The following OXTR variants were observed in gnomAD, a reference collection of about 807,000 sequenced individuals.
The protein encoded by OXTR is oxytocin receptor.
Under a neutral mutation model 23.9 loss-of-function variants are expected in OXTR, and 19 were observed. The ratio of observed to expected loss-of-function variants is 0.80; its 90% CI spans 0.56 to 1.17. OXTR has a LOEUF of 1.17. OXTR is among the 50% of genes most tolerant of loss of function. The pLI is 0.00. For missense variants in OXTR, 500 were observed against 550.7 expected (o/e 0.91, Z 0.92); for synonymous variants, 278 against 250.5 (o/e 1.11, Z -1.04).
the OXTR span, among the ~76,000 whole-genome samples, chr3:8,741,524 G>A: frequency 1.3e-5 from 2 of 152,062 alleles, no homozygotes; most frequent in Non-Finnish European, 2.9e-5. Context: ...TGGCCCAATC[G>A]TCTCTGTGTA....
rs1380090835 is a variant in OXTR, at chr3:8,767,897, C to A, written c.291G>T (p.Leu97Phe). Reference sequence around the variant, plus strand: ...AGAAGCGGAAGGTGATGTCCCACAGCAACTGCGGCAGCACCTGAAACACTG... The same window carrying A: ...AGAAGCGGAAGGTGATGTCCCACAGAAACTGCGGCAGCACCTGAAACACTG... The part of the protein sequence containing the change: ...VVAVFQVLPQ[L>F]LWDITFRFYG... The change falls in exon 3 of 4, where the codon TTG becomes TTT. Residue 97 changes from leucine (L) to phenylalanine (F), a missense_variant. Coordinates refer to ENST00000316793, the MANE Select transcript of OXTR (RefSeq NM_000916.4). The A allele has an allele frequency of 6.2e-7, 1 of 1,613,670 alleles. No individual in the cohort carries two copies. The highest frequency in any genetic ancestry group is 1.7e-5 in the Admixed American group (1 of 60,006).
Position 8,767,464 on chromosome 3 carries a change from C to G in OXTR, c.724G>C (p.Glu242Gln), listed in dbSNP as rs757022912. 41 of 1,599,382 alleles carry G rather than the reference C, an allele frequency of 2.6e-5. No individual in the cohort carries two copies. Among genetic ancestry groups the G allele is most frequent in the Middle Eastern group, 3.3e-4 (2 of 6,060 alleles). Reference sequence around the variant, plus strand: ...CCAGCCGCCGCGCCCTCTGGCGCCTCGGCCGCCGCCGCTGCAGCGGTCTTG... The same window carrying G: ...CCAGCCGCCGCGCCCTCTGGCGCCTGGGCCGCCGCCGCTGCAGCGGTCTTG... ...RLKTAAAAAA[E>Q]APEGAAAGDG... Residue 242 changes from glutamate to glutamine, a missense_variant, in exon 3 of 4, where the codon GAG becomes CAG. Transcript: ENST00000316793.
chr3:8,763,256 A>T (rs909050396), intron 3 of OXTR, among the ~76,000 whole-genome samples: 15 of 152,272 alleles, frequency 9.9e-5, no homozygotes, highest in African/African-American at 3.6e-4. Context: ...TCCATCAGGA[A>T]GGGGCCATAG....
chr3:8,758,694 T>C (rs1354458212), intron 3 of OXTR, among the ~76,000 whole-genome samples: 1 of 152,120 alleles, frequency 6.6e-6, no homozygotes, highest in South Asian at 2.1e-4. Flanking sequence ...TAGTGCAAGG[T>C]CTGGGTGAAG....
At chr3:8,763,493 C>A (rs1169122981) in intron 3 of OXTR, among the ~76,000 whole-genome samples, 1 of 152,174 alleles carries the variant, frequency 6.6e-6, no homozygotes, top group Non-Finnish European at 1.5e-5. Context: ...CAAACAGCCC[C>A]ACTCTACCAA....
chr3:8,753,684 T>C (rs1428313184), intron 3 of OXTR, among the ~76,000 whole-genome samples: 2 of 152,176 alleles, frequency 1.3e-5, no homozygotes, highest in Non-Finnish European at 2.9e-5. Flanking sequence ...GAAGCTTCGG[T>C]TTCCTAATCT....
intron 3 of OXTR, among the ~76,000 whole-genome samples, chr3:8,761,414 G>A (rs1708483114): frequency 6.6e-6 from 1 of 152,164 alleles, no homozygotes; most frequent in Non-Finnish European, 1.5e-5. Flanking sequence ...AGCTTCCATG[G>A]ATCTGAGGCA....
rs1575482053 is a variant in OXTR at position 8,752,413 on chromosome 3, T to C, written c.*564A>G. ...TAAACATTTTTAACCCAAGTTCTAA[T>C]AGGTCCACTGCGCCAGATGGTCTTA... On this transcript the variant is annotated 3_prime_UTR_variant, in exon 4 of 4. Transcript: ENST00000316793. 2 of 152,794 alleles carry C rather than the reference T, an allele frequency of 1.3e-5. No homozygotes were observed. The highest frequency in any genetic ancestry group is 4.8e-5 in the African/African-American group (2 of 41,458). 9.5% of individuals were successfully genotyped at this position (152,794 alleles called of 1,614,324 possible).
chr3:8,760,258 C>T (rs911354368), intron 3 of OXTR, among the ~76,000 whole-genome samples: 1 of 152,258 alleles, frequency 6.6e-6, no homozygotes, highest in East Asian at 1.9e-4. Flanking sequence ...AGCACTGCCG[C>T]TCCATCTGAC....
At chr3:8,745,736 A>G (rs1367123636), downstream of OXTR, 6 of 1,614,120 alleles carry the variant, frequency 3.7e-6, no homozygotes, top group South Asian at 6.6e-5. The surrounding 1 kb of genome is among the most constrained non-coding windows in gnomAD (Gnocchi z 4.8). Context: ...ATGCATTAAG[A>G]GCTACCTGAT....
In OXTR at chr3:8,767,739, C is replaced by T. The variant is rs1479726969; in HGVS notation, c.449G>A (p.Arg150His). Residue 150 changes from arginine to histidine, a missense_variant, in exon 3 of 4, where the codon CGC (arginine) becomes CAC (histidine). By Grantham distance (29) the Arg-to-His change is conservative (BLOSUM62 0). Transcript: ENST00000316793. Reference sequence around the variant, plus strand: ...GAGCACTGCCAGGCGGTCGGTGCGGCGGCGCAGCGAGCGCAGCGGCTGGCA... The same window carrying T: ...GAGCACTGCCAGGCGGTCGGTGCGGTGGCGCAGCGAGCGCAGCGGCTGGCA... ...AICQPLRSLR[R>H]RTDRLAVLAT... 6.2e-7 allele frequency: 1 copy of T among 1,609,422 alleles called. No individual in the cohort carries two copies. Among genetic ancestry groups the T allele is most frequent in the South Asian group, 1.1e-5 (1 of 90,710 alleles).
At chr3:8,763,830 A>G (rs1173491085) in intron 3 of OXTR, among the ~76,000 whole-genome samples, 2 of 152,224 alleles carry the variant, frequency 1.3e-5, no homozygotes, top group African/African-American at 4.8e-5. Context: ...TCTTATAACA[A>G]CTAACCAGGT....
intron 3 of OXTR, among the ~76,000 whole-genome samples, chr3:8,765,068 A>C (rs554497440): frequency 6.6e-6 from 1 of 152,328 alleles, no homozygotes; most frequent in South Asian, 2.1e-4. Context: ...AGAGGACCAC[A>C]AACACTCAAG....
chr3:8,760,894 G>A (rs959330893), intron 3 of OXTR, among the ~76,000 whole-genome samples: 5 of 126,450 alleles, frequency 4.0e-5, no homozygotes, highest in Non-Finnish European at 6.8e-5. Context: ...CTCACTGCCA[G>A]GTATTAGTTT....
In OXTR at chr3:8,753,179, CA is replaced by C. The variant is rs775044398; in HGVS notation, c.967del (p.Cys323AlafsTer30). The C allele has an allele frequency of 1.4e-5, 22 of 1,613,968 alleles. No homozygotes were observed. The highest frequency in any genetic ancestry group is 1.9e-5 in the Non-Finnish European group (22 of 1,180,030). On this transcript the variant is annotated frameshift_variant, in exon 4 of 4. Coordinates refer to ENST00000316793, the MANE Select transcript of OXTR (RefSeq NM_000916.4). LOFTEE classifies it high-confidence loss of function. ...CAGCATGTAGATCCAGGGGTTGCAG[CA>C]GCTGTTGAGGCTGGCCAGGAGCATG... ...IVMLLASLNS[C>X]CNPWIYMLFT... is the part of the protein sequence containing the mutation.
chr3:8,749,888 T>A (rs373859325), downstream of OXTR, among the ~76,000 whole-genome samples: 1 of 152,132 alleles, frequency 6.6e-6, no homozygotes, highest in South Asian at 2.1e-4. Flanking sequence ...TAAAGTGTGT[T>A]ATAAAGAGAC....
chr3:8,751,373 G>T lies in OXTR; in HGVS notation c.*1604C>A, dbSNP rs1158700472. The T allele has an allele frequency of 6.6e-6, 1 of 151,984 alleles. No homozygotes were observed. The highest frequency in any genetic ancestry group is 6.5e-5 in the Admixed American group (1 of 15,276). 9.4% of individuals were successfully genotyped at this position (151,984 alleles called of 1,614,324 possible). Reference sequence around the variant, plus strand: ...TGATAGGGTCTTTTCAATCACAAAAGCTTCAAATCTTGATTAAGTCCAATT... The same window carrying T: ...TGATAGGGTCTTTTCAATCACAAAATCTTCAAATCTTGATTAAGTCCAATT... On this transcript the variant is annotated 3_prime_UTR_variant, in exon 4 of 4. Transcript: ENST00000316793.
At chr3:8,745,825 G>C (rs1237510370), downstream of OXTR, 1 of 1,613,750 alleles carries the variant, frequency 6.2e-7, no homozygotes, top group Admixed American at 1.7e-5. This position sits in a 1 kb window ranked among gnomAD's most constrained non-coding sequence, Gnocchi z 4.8. Flanking sequence ...CCCTGGGCCA[G>C]GTCTGCAGCA....
chr3:8,765,022 G>A lies in OXTR; in HGVS notation c.922+2244C>T, dbSNP rs151016305. 1.4e-3 allele frequency among the ~76,000 whole-genome samples: 214 copies of A among 152,292 alleles called. 2 individuals are homozygous for A. Among genetic ancestry groups the A allele is most frequent in the African/African-American group, 2.2e-3 (90 of 41,568 alleles). On this transcript the variant is annotated intron_variant, in intron 3 of 3. Coordinates refer to ENST00000316793, the MANE Select transcript of OXTR (RefSeq NM_000916.4). The stretch of plus-strand genomic sequence containing the variant: ...GCCCCTTGGGCTTCAGCAGGAGCCC[G>A]TCTCTACTGAAGGTCTGGTCCCCAG...
Sources: allele counts gnomAD v4.1 joint callset (sites outside exome capture counted in the v4.1 genomes callset), GRCh38; gene constraint gnomAD v4.1.1; non-coding constraint Gnocchi (gnomAD v3.1); transcripts MANE v1.5; gene names NCBI Gene and HGNC (gene_info 2026-07-23, HGNC 2026-07-21).